ELAVL1: variants seen among roughly 807,000 people sequenced by gnomAD.
ELAVL1 encodes ELAV-like protein 1.
A neutral mutation model predicts 28.4 loss-of-function variants in ELAVL1; 1 was observed. That is an observed-to-expected ratio of 0.04 (90% CI 0.01 to 0.17). The LOEUF is 0.17. Ranked by LOEUF, ELAVL1 falls within the 10% of genes least tolerant of loss-of-function variation. The pLI is 1.00. For missense variants in ELAVL1, 157 were observed against 447.2 expected (o/e 0.35, Z 5.85); for synonymous variants, 174 against 183.5 (o/e 0.95, Z 0.42).
At chr19:7,989,909 G>C (rs1322725313) in intron 2 of ELAVL1, among the ~76,000 whole-genome samples, 1 of 152,198 alleles carries the variant, frequency 6.6e-6, no homozygotes, top group African/African-American at 2.4e-5. Flanking sequence ...TGGGGGTCAG[G>C]TGTCTTAAGG....
At chr19:8,005,386 G>A in intron 1 of ELAVL1, 109 bp downstream of exon 1, 1 of 146,582 alleles carries the variant, frequency 6.8e-6, no homozygotes, top group Non-Finnish European at 1.5e-5. Flanking sequence ...GGCGCGGCCT[G>A]GGCCTCGGCC....
chr19:7,967,281 T>C (rs1254552556), intron 5 of ELAVL1, among the ~76,000 whole-genome samples: 5 of 152,148 alleles, frequency 3.3e-5, no homozygotes, highest in Non-Finnish European at 5.9e-5. Context: ...TCGATCTTCC[T>C]CTCTCAGCCA....
Position 7,967,616 on chromosome 19 carries a change from G to A in ELAVL1, c.605C>T (p.Ser202Leu). The A allele has an allele frequency of 4.3e-6, 7 of 1,614,174 alleles. No homozygotes were observed. Among genetic ancestry groups the A allele is most frequent in the Non-Finnish European group, 5.9e-6 (7 of 1,180,026 alleles). ...NVALLSQLYHSPARRFGGPVH... is the reference protein window; with the variant it reads ...NVALLSQLYHLPARRFGGPVH... Reference sequence around the variant, plus strand: ...GGGGCCTCCGAACCGTCGCGCTGGCGAGTGGTACAGCTGCGAGAGGAGTGC... The same window carrying A: ...GGGGCCTCCGAACCGTCGCGCTGGCAAGTGGTACAGCTGCGAGAGGAGTGC... Residue 202 changes from serine (S) to leucine (L), a missense_variant, in exon 5 of 6, where the codon TCG becomes TTG. Transcript: ENST00000407627.
chr19:7,980,638 T>C (rs1438408965), intron 3 of ELAVL1, among the ~76,000 whole-genome samples: 1 of 152,128 alleles, frequency 6.6e-6, no homozygotes, highest in African/African-American at 2.4e-5. Flanking sequence ...ATGGCTATCC[T>C]CTGTCTTGTT....
At chr19:7,990,430 A>G (rs776689725) in intron 2 of ELAVL1, among the ~76,000 whole-genome samples, 5 of 149,604 alleles carry the variant, frequency 3.3e-5, no homozygotes, top group Admixed American at 6.6e-5. Flanking sequence ...GTAAGGTGCA[A>G]TCTCAGCTCA....
At chr19:8,004,838 G>A (rs546037176) in intron 1 of ELAVL1, among the ~76,000 whole-genome samples, 1 of 152,132 alleles carries the variant, frequency 6.6e-6, no homozygotes, top group Non-Finnish European at 1.5e-5. Flanking sequence ...AAGGAAGGAA[G>A]GGCATCCATC....
At chr19:7,987,538 G>A (rs1189917941) in intron 2 of ELAVL1, among the ~76,000 whole-genome samples, 2 of 152,140 alleles carry the variant, frequency 1.3e-5, no homozygotes, top group Non-Finnish European at 2.9e-5. Flanking sequence ...GAAACATTCC[G>A]AGTCTTGAGA....
intron 3 of ELAVL1, among the ~76,000 whole-genome samples, chr19:7,980,405 C>T (rs534746774): frequency 5.3e-5 from 8 of 152,170 alleles, no homozygotes; most frequent in East Asian, 1.9e-4. Flanking sequence ...CACGTGGGGA[C>T]GGGGGTAAGT....
chr19:7,964,561 A>ATGG (rs1475454501), intron 5 of ELAVL1, among the ~76,000 whole-genome samples: 1 of 152,180 alleles, frequency 6.6e-6, no homozygotes, highest in African/African-American at 2.4e-5. Context: ...TGGGCCAGGC[A>ATGG]TGGTGGCTCA....
chr19:7,963,560 T>C lies in ELAVL1; in HGVS notation c.904A>G (p.Ile302Val). ...MTNYEEAAMAIASLNGYRLGD... is the reference protein window; with the variant it reads ...MTNYEEAAMAVASLNGYRLGD... ...AGGCGGTAGCCGTTCAGGCTGGCTA[T>C]GGCCATCGCGGCTTCTTCATAGTTT... The change falls in exon 6 of 6, where the codon ATA becomes GTA. Residue 302 changes from isoleucine to valine, a missense_variant. Around this residue, in one of 4 missense-constraint regions of ELAVL1, gnomAD observed 107 missense variants for 310.4 expected, o/e 0.34. Transcript: ENST00000407627. The surrounding 1 kb of genome is among the most constrained non-coding windows in gnomAD (Gnocchi z 4.5). The C allele has an allele frequency of 1.2e-6, 2 of 1,614,282 alleles. No individual in the cohort carries two copies. The highest frequency in any genetic ancestry group is 1.1e-5 in the South Asian group (1 of 91,088).
chr19:7,976,574 TGA>T (rs1326751537), intron 3 of ELAVL1, among the ~76,000 whole-genome samples: 1 of 152,146 alleles, frequency 6.6e-6, no homozygotes, highest in Non-Finnish European at 1.5e-5. Flanking sequence ...CCAGAAGCTG[TGA>T]GAGAGGCCTG....
chr19:8,002,802 G>C (rs1480145686), intron 1 of ELAVL1, among the ~76,000 whole-genome samples: 1 of 152,194 alleles, frequency 6.6e-6, no homozygotes, highest in African/African-American at 2.4e-5. Context: ...CAGGCAGGGA[G>C]GGTTAGAGTT....
At position 7,963,878 on chromosome 19, in the gene ELAVL1, G is replaced by A. The variant is rs1391441103; in HGVS notation, c.657-71C>T. 4.3e-5 allele frequency: 65 copies of A among 1,508,934 alleles called. No homozygotes were observed. The highest frequency in any genetic ancestry group is 5.4e-5 in the Non-Finnish European group (61 of 1,119,476). The allele number at this position is 1,508,934 out of a possible 1,614,324, so 93.5% of individuals were successfully genotyped here. A position where few individuals can be genotyped will look rare whatever the true frequency, so the allele number is the denominator to read the frequency against. ...CCTGGGGATGGGGCAAGGCCTGGAC[G>A]CATGCTGACCATGGCCGCTGGGCCC... is the stretch of plus-strand genomic sequence containing the variant. On this transcript the variant is annotated intron_variant, in intron 5 of 5. Coordinates refer to ENST00000407627, the MANE Select transcript of ELAVL1 (RefSeq NM_001419.3). This position sits in a 1 kb window ranked among gnomAD's most constrained non-coding sequence, Gnocchi z 4.5.
At chr19:7,967,054 AAGAC>A (rs1984974669) in intron 5 of ELAVL1, among the ~76,000 whole-genome samples, 3 of 150,618 alleles carry the variant, frequency 2.0e-5, no homozygotes, top group Non-Finnish European at 3.0e-5. Context: ...AAAACAAAAA[AAGAC>A]AGGTTCTGGC....
chr19:7,984,371 T>C (rs931820650), intron 2 of ELAVL1, among the ~76,000 whole-genome samples: 3 of 152,120 alleles, frequency 2.0e-5, no homozygotes, highest in East Asian at 1.9e-4. Flanking sequence ...AGGAGATATT[T>C]TAAACCTCTG....
intron 1 of ELAVL1, among the ~76,000 whole-genome samples, chr19:7,992,127 G>C (rs890042802): frequency 6.6e-6 from 1 of 152,084 alleles, no homozygotes; most frequent in Non-Finnish European, 1.5e-5. Context: ...TTTTAGTAGA[G>C]ACGGGGTTTC....
chr19:7,960,813 G>C lies in ELAVL1; in HGVS notation c.*2670C>G, dbSNP rs911313506. 1 of 152,300 alleles carries C rather than the reference G, an allele frequency of 6.6e-6. No homozygotes were observed. The highest frequency in any genetic ancestry group is 1.9e-4 in the East Asian group (1 of 5,202). 9.4% of individuals were successfully genotyped at this position (152,300 alleles called of 1,614,324 possible). Reference sequence around the variant, plus strand: ...AATTTTTTAAGAAATGGTTTCTTTTGGGTTGAGCCTTTTTTAAGAAAAGGG... The same window carrying C: ...AATTTTTTAAGAAATGGTTTCTTTTCGGTTGAGCCTTTTTTAAGAAAAGGG... On this transcript the variant is annotated 3_prime_UTR_variant, in exon 6 of 6. Transcript: ENST00000407627.
At chr19:7,978,249 A>G (rs960069671) in intron 3 of ELAVL1, among the ~76,000 whole-genome samples, 1 of 152,206 alleles carries the variant, frequency 6.6e-6, no homozygotes, top group African/African-American at 2.4e-5. Context: ...CTTTGTTACC[A>G]TAAGGCCTTG....
At chr19:7,993,902 G>A (rs1440505905) in intron 1 of ELAVL1, among the ~76,000 whole-genome samples, 1 of 152,122 alleles carries the variant, frequency 6.6e-6, no homozygotes, top group African/African-American at 2.4e-5. Context: ...AATCAACGCC[G>A]AGGGAAGAAT....
Sources: allele counts gnomAD v4.1 joint callset (sites outside exome capture counted in the v4.1 genomes callset), GRCh38; gene constraint gnomAD v4.1.1; regional missense constraint gnomAD v4.1.1; non-coding constraint Gnocchi (gnomAD v3.1); transcripts MANE v1.5; gene names NCBI Gene and HGNC (gene_info 2026-07-23, HGNC 2026-07-21).